Variants in ADAMTS6 observed in about 807,000 individuals in gnomAD.
The protein encoded by ADAMTS6 is A disintegrin and metalloproteinase with thrombospondin motifs 6.
In ADAMTS6, 23 loss-of-function variants were observed where a neutral mutation model predicts 144.3. The ratio of observed to expected loss-of-function variants is 0.16; its 90% CI spans 0.11 to 0.23. The LOEUF (loss-of-function observed/expected upper bound fraction) is 0.23, where lower values mean the gene tolerates loss of function less well. Ranked by LOEUF, ADAMTS6 falls within the 10% of genes least tolerant of loss-of-function variation. The pLI is 1.00. For missense variants in ADAMTS6, 999 were observed against 1,379.6 expected (o/e 0.72, Z 4.37); for synonymous variants, 444 against 457.5 (o/e 0.97, Z 0.38).
intron 20 of ADAMTS6, among the ~76,000 whole-genome samples, chr5:65,203,199 C>T (rs940709499): frequency 1.3e-5 from 2 of 152,160 alleles, no homozygotes; most frequent in Non-Finnish European, 2.9e-5. Flanking sequence ...TTGTGAAAGG[C>T]AAGTTTCCTA....
intron 7 of ADAMTS6, among the ~76,000 whole-genome samples, chr5:65,431,076 G>A (rs1040507432): frequency 6.6e-6 from 1 of 152,166 alleles, no homozygotes; most frequent in East Asian, 1.9e-4. Flanking sequence ...TTTGTTGAGT[G>A]TCTCAATGAA....
intron 21 of ADAMTS6, among the ~76,000 whole-genome samples, chr5:65,189,065 CTT>C (rs780716022): frequency 6.6e-5 from 10 of 152,198 alleles, no homozygotes; most frequent in African/African-American, 1.4e-4. Flanking sequence ...AGGCAGATCT[CTT>C]GTTTCAACCT....
At chr5:65,172,798 A>C in intron 23 of ADAMTS6, 34 bp downstream of exon 23, 1 of 1,599,736 alleles carries the variant, frequency 6.3e-7, no homozygotes, top group Non-Finnish European at 8.5e-7. Flanking sequence ...TCAAGGTGCT[A>C]TTTCAGCAGG....
intron 2 of ADAMTS6, 144 bp downstream of exon 2, chr5:65,473,433 C>T: frequency 1.5e-6 from 1 of 650,824 alleles, no homozygotes; most frequent in Non-Finnish European, 2.7e-6. Context: ...ATTTATGAAA[C>T]TAATACCGAA....
intron 7 of ADAMTS6, among the ~76,000 whole-genome samples, chr5:65,422,857 C>T (rs1435997764): frequency 6.6e-6 from 1 of 152,126 alleles, no homozygotes; most frequent in Non-Finnish European, 1.5e-5. Flanking sequence ...ATGCTTATTG[C>T]AGCACAATTC....
intron 7 of ADAMTS6, among the ~76,000 whole-genome samples, chr5:65,427,464 C>A (rs1319387866): frequency 6.6e-6 from 1 of 151,976 alleles, no homozygotes; most frequent in South Asian, 2.1e-4. Flanking sequence ...ATTTGGTATA[C>A]AGATAAACTA....
chr5:65,428,392 G>T (rs972814421), intron 7 of ADAMTS6, among the ~76,000 whole-genome samples: 1 of 151,978 alleles, frequency 6.6e-6, no homozygotes, highest in African/African-American at 2.4e-5. Context: ...AACAAAAAAG[G>T]TTCACTAAGA....
intron 7 of ADAMTS6, among the ~76,000 whole-genome samples, chr5:65,426,918 C>CGTGT: frequency 6.6e-6 from 1 of 152,016 alleles, no homozygotes; most frequent in East Asian, 1.9e-4. Flanking sequence ...ATAAACAGCT[C>CGTGT]TACACAAGAT....
chr5:65,456,486 T>A (rs1045978153), intron 4 of ADAMTS6, among the ~76,000 whole-genome samples: 1 of 152,236 alleles, frequency 6.6e-6, no homozygotes, highest in Admixed American at 6.5e-5. Flanking sequence ...ACCTGCTTTA[T>A]TTTTGTTCAT....
At position 65,193,467 on chromosome 5, in the gene ADAMTS6, T is replaced by C. The variant is rs537966630; in HGVS notation, c.2705+3555A>G. 3.9e-5 allele frequency among the ~76,000 whole-genome samples: 6 copies of C among 152,194 alleles called. No individual in the cohort carries two copies. In the South Asian group the frequency reaches 1.2e-3, roughly 32 times the overall value. On this transcript the variant is annotated intron_variant, in intron 21 of 24. Coordinates refer to ENST00000381055, the MANE Select transcript of ADAMTS6 (RefSeq NM_197941.4). ...TAGTACAAACAGCCACTAAACATAA[T>C]TTTTAAATGTTCAGTCCCATCAGCA...
At chr5:65,311,974 T>G (rs147991126) in intron 9 of ADAMTS6, among the ~76,000 whole-genome samples, 215 of 152,184 alleles carry the variant, frequency 1.4e-3, no homozygotes, top group African/African-American at 5.1e-3. Flanking sequence ...TCATTGTTTT[T>G]GTTAGATAAT....
intron 7 of ADAMTS6, among the ~76,000 whole-genome samples, chr5:65,362,762 C>T (rs1416180673): frequency 1.3e-5 from 2 of 152,030 alleles, no homozygotes; most frequent in Admixed American, 1.3e-4. Context: ...TTCAGTGGTG[C>T]GAGAGACAAA....
At chr5:65,282,790 T>C (rs1763085513) in intron 11 of ADAMTS6, among the ~76,000 whole-genome samples, 1 of 152,036 alleles carries the variant, frequency 6.6e-6, no homozygotes, top group Non-Finnish European at 1.5e-5. Flanking sequence ...TAATGAGGTA[T>C]GTCTGACCCC....
At chr5:65,313,274 A>C (rs2112850323) in intron 9 of ADAMTS6, among the ~76,000 whole-genome samples, 1 of 152,116 alleles carries the variant, frequency 6.6e-6, no homozygotes, top group Non-Finnish European at 1.5e-5. Flanking sequence ...CAAAAGCCTA[A>C]TTATTGAAAT....
In ADAMTS6 at chr5:65,209,347, C is replaced by A. The variant is rs1469301527; in HGVS notation, c.2575+5447G>T. On this transcript the variant is annotated intron_variant, in intron 20 of 24. Transcript: ENST00000381055. ...TGGGTAAGGAATACAGAAACAAATT[C>A]TAGTAGCAATGGTTCTGGAAATAGC... Among the ~76,000 whole-genome samples, 6 of 152,152 alleles carry A rather than the reference C, an allele frequency of 3.9e-5. No homozygotes were observed. The East Asian group carries it at 1.2e-3, about 29-fold the overall frequency.
chr5:65,473,010 G>A (rs1387311006), intron 2 of ADAMTS6, among the ~76,000 whole-genome samples: 1 of 152,014 alleles, frequency 6.6e-6, no homozygotes, highest in Non-Finnish European at 1.5e-5. Context: ...ATTTACTCCT[G>A]GGCCTGCTTT....
chr5:65,286,039 T>C lies in ADAMTS6; in HGVS notation c.1512+5290A>G, dbSNP rs187093087. Among the ~76,000 whole-genome samples the C allele has an allele frequency of 1.5e-3, 229 of 152,264 alleles. 1 individual carries two copies. The highest frequency in any genetic ancestry group is 2.4e-3 in the Non-Finnish European group (165 of 68,006). On this transcript the variant is annotated intron_variant, in intron 11 of 24. Coordinates refer to ENST00000381055, the MANE Select transcript of ADAMTS6 (RefSeq NM_197941.4). ...ACATGCTCCCCAAAGTACAAAAGGT[T>C]CAGATTCTCCTAAAGCAGTACCAGC...
intron 10 of ADAMTS6, 106 bp from the exon 11 acceptor site, chr5:65,291,576 A>C (rs1177257185): frequency 2.6e-6 from 3 of 1,173,260 alleles, no homozygotes; most frequent in Non-Finnish European, 3.4e-6. Context: ...GACGCATGAA[A>C]AACAATACAT....
chr5:65,303,892 A>G (rs932379709), intron 9 of ADAMTS6, among the ~76,000 whole-genome samples: 15 of 152,152 alleles, frequency 9.9e-5, no homozygotes, highest in African/African-American at 3.6e-4. Flanking sequence ...TATCTGCAAC[A>G]CTGGAAATTC....
Sources: allele counts gnomAD v4.1 joint callset (sites outside exome capture counted in the v4.1 genomes callset), GRCh38; gene constraint gnomAD v4.1.1; transcripts MANE v1.5; gene names NCBI Gene and HGNC (gene_info 2026-07-23, HGNC 2026-07-21).